Variants in GABRR1 observed in about 807,000 individuals in gnomAD.
GABRR1 encodes gamma-aminobutyric acid receptor subunit rho-1.
In GABRR1, 59 loss-of-function variants were observed where a neutral mutation model predicts 55.5. The ratio of observed to expected loss-of-function variants is 1.06; its 90% CI spans 0.86 to 1.32. GABRR1 has a LOEUF of 1.32. Ranked by LOEUF, GABRR1 falls within the 40% of genes most tolerant of loss-of-function variation. The pLI is 0.00. For missense variants in GABRR1, 602 were observed against 619.1 expected, an observed-to-expected ratio of 0.97 and a Z score of 0.29; for synonymous variants, 213 against 226.0, an observed-to-expected ratio of 0.94 and a Z score of 0.51.
At chr6:89,204,219 C>T (rs1379464707) in intron 1 of GABRR1, among the ~76,000 whole-genome samples, 1 of 152,186 alleles carries the variant, frequency 6.6e-6, no homozygotes, top group African/African-American at 2.4e-5. Context: ...CTTTTGAAGG[C>T]AATGCTGTTT....
chr6:89,201,469 C>T (rs548629047), intron 2 of GABRR1, among the ~76,000 whole-genome samples: 95 of 152,280 alleles, frequency 6.2e-4, no homozygotes, highest in African/African-American at 2.0e-3. Context: ...TTGACCATGA[C>T]TGTGGAGCTT....
chr6:89,183,064 C>G (rs1328521901), intron 7 of GABRR1, among the ~76,000 whole-genome samples: 1 of 150,302 alleles, frequency 6.7e-6, no homozygotes, highest in Non-Finnish European at 1.5e-5. Context: ...AATCACAGGT[C>G]CAGCTACATT....
intron 1 of GABRR1, among the ~76,000 whole-genome samples, chr6:89,207,328 G>A (rs1772682318): frequency 6.6e-6 from 1 of 152,070 alleles, no homozygotes; most frequent in South Asian, 2.1e-4. Flanking sequence ...CTGAGTAGCT[G>A]GGATTACAGG....
At chr6:89,221,175 C>T (rs1448262051), upstream of GABRR1, 4 of 152,296 alleles carry the variant, frequency 2.6e-5, no homozygotes, top group African/African-American at 9.7e-5. Context: ...AGAAGAGGGA[C>T]CAGGCAATGC....
intron 2 of GABRR1, among the ~76,000 whole-genome samples, chr6:89,202,773 C>T (rs1170691478): frequency 6.6e-6 from 1 of 152,140 alleles, no homozygotes; most frequent in Non-Finnish European, 1.5e-5. Flanking sequence ...CATGAGCTCA[C>T]TTCAGCCTCA....
intron 6 of GABRR1, among the ~76,000 whole-genome samples, chr6:89,186,438 G>A (rs1027043600): frequency 3.3e-5 from 5 of 152,188 alleles, no homozygotes; most frequent in Non-Finnish European, 5.9e-5. Context: ...TGTGGCCTGC[G>A]GCATCCGCTC....
At chr6:89,195,379 C>T (rs1433578822) in intron 5 of GABRR1, among the ~76,000 whole-genome samples, 2 of 151,904 alleles carry the variant, frequency 1.3e-5, no homozygotes, top group African/African-American at 4.8e-5. Context: ...AGGAGAATTG[C>T]TTGAACCCGA....
chr6:89,229,003 T>G (rs1255721933), intron 1 of GABRR1, among the ~76,000 whole-genome samples: 3 of 151,296 alleles, frequency 2.0e-5, no homozygotes, highest in African/African-American at 4.9e-5. Context: ...ATTGATCCCT[T>G]TACCATTATG....
Position 89,178,417 on chromosome 6 carries a change from T to C in GABRR1, c.*353A>G. The C allele has an allele frequency of 3.9e-6, 1 of 257,880 alleles. No individual in the cohort carries two copies. The highest frequency in any genetic ancestry group is 5.5e-5 in the South Asian group (1 of 18,266). 16.0% of individuals were successfully genotyped at this position (257,880 alleles called of 1,614,324 possible). On this transcript the variant is annotated 3_prime_UTR_variant, in exon 10 of 10. Coordinates refer to ENST00000454853, the MANE Select transcript of GABRR1 (RefSeq NM_002042.5). Reference sequence around the variant, plus strand: ...ACAATGTAATGACACTTGAGGAAAATAAATTATTCATGTGAATAGCATCAA... The same window carrying C: ...ACAATGTAATGACACTTGAGGAAAACAAATTATTCATGTGAATAGCATCAA...
intron 1 of GABRR1, among the ~76,000 whole-genome samples, chr6:89,223,897 G>C (rs2094172): frequency 0.018 from 2,700 of 151,746 alleles, 88 homozygotes; most frequent in African/African-American, 0.063. Flanking sequence ...TCGAGTAGCT[G>C]GGACTACAGG....
At chr6:89,196,892 A>AG (rs1772313583) in intron 5 of GABRR1, among the ~76,000 whole-genome samples, 1 of 149,324 alleles carries the variant, frequency 6.7e-6, no homozygotes, top group East Asian at 2.0e-4. Context: ...AAGAGAAGAA[A>AG]AAAGAAAAGA....
At chr6:89,201,100 C>A (rs1304462176) in intron 3 of GABRR1, 59 bp downstream of exon 3, 1 of 1,313,812 alleles carries the variant, frequency 7.6e-7, no homozygotes, top group African/African-American at 1.5e-5. Flanking sequence ...TGGCTAATTT[C>A]CTGCCCACAG....
chr6:89,204,469 G>C, intron 1 of GABRR1: 1 of 327,978 alleles, frequency 3.0e-6, no homozygotes, highest in South Asian at 3.0e-5. Context: ...TTGGATCCCT[G>C]TGGACCCTCA....
At chr6:89,202,063 T>C (rs1387013767) in intron 2 of GABRR1, among the ~76,000 whole-genome samples, 1 of 152,140 alleles carries the variant, frequency 6.6e-6, no homozygotes, top group Non-Finnish European at 1.5e-5. Context: ...GACCTTGCCC[T>C]CAAGGGAAAT....
chr6:89,204,638 AAGG>A (rs1351095395), intron 1 of GABRR1: 1 of 1,284,602 alleles, frequency 7.8e-7, no homozygotes, highest in Admixed American at 2.4e-5. Flanking sequence ...TCACTGATGA[AAGG>A]AGGTTTGTCA....
intron 5 of GABRR1, among the ~76,000 whole-genome samples, chr6:89,194,940 C>T (rs529808462): frequency 6.6e-6 from 1 of 152,202 alleles, no homozygotes; most frequent in South Asian, 2.1e-4. Flanking sequence ...CAAGACAGAG[C>T]TGAGCAACAG....
At chr6:89,224,460 C>T (rs1009319669) in intron 1 of GABRR1, among the ~76,000 whole-genome samples, 1 of 152,128 alleles carries the variant, frequency 6.6e-6, no homozygotes, top group Non-Finnish European at 1.5e-5. Context: ...TGTTTGTTGG[C>T]CATTTGTATG....
chr6:89,207,922 G>A lies in GABRR1; in HGVS notation c.123-4437C>T, dbSNP rs111855452. Among the ~76,000 whole-genome samples the A allele has an allele frequency of 1.6e-3, 244 of 152,334 alleles. 1 individual carries two copies. The highest frequency in any genetic ancestry group is 5.3e-3 in the African/African-American group (221 of 41,578). Reference sequence around the variant, plus strand: ...GAAGCCAGCACACTGCCTTGAACCCGTTTTGCTTACTGGTGGGAGATGGCA... The same window carrying A: ...GAAGCCAGCACACTGCCTTGAACCCATTTTGCTTACTGGTGGGAGATGGCA... On this transcript the variant is annotated intron_variant, in intron 1 of 9. Coordinates refer to ENST00000454853, the MANE Select transcript of GABRR1 (RefSeq NM_002042.5).
intron 9 of GABRR1, 107 bp downstream of exon 9, chr6:89,180,185 G>A: frequency 8.4e-7 from 1 of 1,190,290 alleles, no homozygotes; most frequent in South Asian, 1.6e-5. Flanking sequence ...AGGCACAGGA[G>A]AGGGTATCAT....
Sources: allele counts gnomAD v4.1 joint callset (sites outside exome capture counted in the v4.1 genomes callset), GRCh38; gene constraint gnomAD v4.1.1; transcripts MANE v1.5; gene names NCBI Gene and HGNC (gene_info 2026-07-23, HGNC 2026-07-21).